Variants in VPS13B observed in about 807,000 individuals in gnomAD.
VPS13B encodes the protein intermembrane lipid transfer protein VPS13B.
A neutral mutation model predicts 426.4 loss-of-function variants in VPS13B; 285 were observed. That is an observed-to-expected ratio of 0.67 (90% CI 0.61 to 0.74). The LOEUF is 0.74. VPS13B is among the 30% of genes least tolerant of loss of function. VPS13B has a pLI of 0.00. For synonymous variants in VPS13B, 1,676 were observed against 1,676.4 expected (o/e 1.00, Z 0.01); for missense variants, 4,537 against 4,782.6 (o/e 0.95, Z 1.51).
At chr8:99,084,593 C>T (rs200339087) in intron 3 of VPS13B, among the ~76,000 whole-genome samples, 16 of 152,038 alleles carry the variant, frequency 1.1e-4, no homozygotes, top group Admixed American at 2.0e-4. Flanking sequence ...GGGCATTTAG[C>T]GCTATAATTT....
At chr8:99,547,255 A>G (rs2133744480) in intron 30 of VPS13B, among the ~76,000 whole-genome samples, 1 of 152,178 alleles carries the variant, frequency 6.6e-6, no homozygotes, top group East Asian at 1.9e-4. Flanking sequence ...CACTCTGAAG[A>G]TTAGTACTCC....
chr8:99,023,916 C>T (rs879747797), intron 2 of VPS13B, among the ~76,000 whole-genome samples: 7 of 152,210 alleles, frequency 4.6e-5, no homozygotes, highest in Admixed American at 4.6e-4. Flanking sequence ...TTTGTATGTA[C>T]ACCCAGTAGT....
chr8:99,218,636 C>T (rs550927164), intron 17 of VPS13B, among the ~76,000 whole-genome samples: 211 of 152,272 alleles, frequency 1.4e-3, no homozygotes, highest in Non-Finnish European at 2.5e-3. Flanking sequence ...GTGCCATTGT[C>T]GTCTGGCACA....
intron 33 of VPS13B, among the ~76,000 whole-genome samples, chr8:99,634,594 G>C (rs2133917553): frequency 6.6e-6 from 1 of 152,026 alleles, no homozygotes; most frequent in East Asian, 1.9e-4. Flanking sequence ...ATTCAACTGG[G>C]AACAATTATA....
chr8:99,087,312 A>C (rs1462064441), intron 3 of VPS13B, among the ~76,000 whole-genome samples: 2 of 152,142 alleles, frequency 1.3e-5, no homozygotes, highest in Non-Finnish European at 2.9e-5. Context: ...GGAAAAGCAC[A>C]GTATTAGGGT....
At chr8:99,763,152 AAAAAAAAAAAAAAG>A (rs1244624407) in intron 39 of VPS13B, among the ~76,000 whole-genome samples, 55 of 150,518 alleles carry the variant, frequency 3.7e-4, no homozygotes, top group African/African-American at 1.3e-3. Flanking sequence ...AAAAAAAAAA[AAAAAAAAAAAAAAG>A]AAGAGAAAAA....
intron 29 of VPS13B, among the ~76,000 whole-genome samples, chr8:99,518,643 A>G (rs1425158654): frequency 2.0e-5 from 3 of 151,690 alleles, no homozygotes; most frequent in Non-Finnish European, 4.4e-5. Context: ...TATTTCTCTC[A>G]CTGAATATCT....
intron 30 of VPS13B, among the ~76,000 whole-genome samples, chr8:99,537,345 A>T (rs1823305821): frequency 6.6e-6 from 1 of 152,232 alleles, no homozygotes. Flanking sequence ...GATGTAGGTC[A>T]AAACGTTTAC....
At chr8:99,664,284 C>T (rs1327885655) in intron 35 of VPS13B, among the ~76,000 whole-genome samples, 1 of 151,564 alleles carries the variant, frequency 6.6e-6, no homozygotes, top group African/African-American at 2.4e-5. Context: ...GGATTACAGG[C>T]ATGAGCCACC....
At chr8:99,315,333 C>T (rs1376504936) in intron 19 of VPS13B, among the ~76,000 whole-genome samples, 1 of 70,988 alleles carries the variant, frequency 1.4e-5, no homozygotes, top group Non-Finnish European at 2.9e-5. Context: ...TAAATTCTCT[C>T]TCTCTTTTTT....
intron 35 of VPS13B, among the ~76,000 whole-genome samples, chr8:99,695,380 G>T (rs2130131494): frequency 6.6e-6 from 1 of 150,744 alleles, no homozygotes; most frequent in South Asian, 2.1e-4. Flanking sequence ...AAAAAATGAT[G>T]AGTTCATGTC....
chr8:99,312,747 A>G (rs1371147609), intron 19 of VPS13B, among the ~76,000 whole-genome samples: 1 of 152,146 alleles, frequency 6.6e-6, no homozygotes, highest in Non-Finnish European at 1.5e-5. Flanking sequence ...TCTCCGGATA[A>G]TATCTTGCAG....
At chr8:99,058,098 A>G (rs927119549) in intron 3 of VPS13B, among the ~76,000 whole-genome samples, 3 of 152,052 alleles carry the variant, frequency 2.0e-5, no homozygotes, top group Non-Finnish European at 4.4e-5. Context: ...TTCTTTTTAT[A>G]TACAAAATCA....
In VPS13B at chr8:99,192,989, C is replaced by G. The variant is rs1813688787; in HGVS notation, c.2447C>G (p.Ser816Cys). 6.2e-7 allele frequency: 1 copy of G among 1,613,678 alleles called. No homozygotes were observed. Residue 816 changes from serine (S) to cysteine (C), a missense_variant, in exon 17 of 62, where the codon TCT becomes TGT. Physicochemically the swap from Ser to Cys is moderately radical, Grantham distance 112 (BLOSUM62 -1). This residue lies in a region of VPS13B where 4,311 missense variants were observed against 4,474.3 expected (regional missense o/e 0.96). Transcript: ENST00000357162. ...LLLQAIYQSW[S>C]HLGNVSSSAV... ...TTGCAAGCAATATATCAAAGTTGGT[C>G]TCATCTTGGAAATGTCAGCTCTTCC...
At chr8:99,455,736 G>C (rs1818418361) in intron 23 of VPS13B, among the ~76,000 whole-genome samples, 1 of 152,052 alleles carries the variant, frequency 6.6e-6, no homozygotes, top group Admixed American at 6.6e-5. Flanking sequence ...ATAGTCTTTT[G>C]CATCTGGCTT....
chr8:99,273,679 G>T (rs1233943237), intron 17 of VPS13B, among the ~76,000 whole-genome samples: 1 of 135,120 alleles, frequency 7.4e-6, no homozygotes, highest in African/African-American at 2.8e-5. Flanking sequence ...AACTACTAGG[G>T]AGTCTGAGGA....
At chr8:99,585,199 A>G (rs182235765) in intron 33 of VPS13B, among the ~76,000 whole-genome samples, 10 of 152,202 alleles carry the variant, frequency 6.6e-5, no homozygotes, top group Admixed American at 6.5e-4. Context: ...TCTAGAGTGA[A>G]GGAACTGTGC....
chr8:99,831,601 G>A (rs1197175425), intron 51 of VPS13B, among the ~76,000 whole-genome samples: 1 of 152,106 alleles, frequency 6.6e-6, no homozygotes, highest in African/African-American at 2.4e-5. Context: ...CTCTGTCTCT[G>A]TAGGTTCCAT....
intron 14 of VPS13B, among the ~76,000 whole-genome samples, chr8:99,148,234 C>T (rs1271664332): frequency 6.6e-6 from 1 of 151,654 alleles, no homozygotes; most frequent in Non-Finnish European, 1.5e-5. Context: ...CACGGTGGCA[C>T]ATGCCTGTAT....
Sources: gnomAD v4.1 joint callset for allele counts (sites outside exome capture counted in the v4.1 genomes callset) on GRCh38, gnomAD v4.1.1 for gene constraint, gnomAD v4.1.1 regional missense constraint, MANE v1.5 for transcripts, NCBI Gene and HGNC (gene_info 2026-07-23, HGNC 2026-07-21) for gene names.